The following USH2A variants were observed in gnomAD, a reference collection of about 807,000 sequenced individuals.
USH2A encodes the protein Usher syndrome 2A (autosomal recessive, mild).
USH2A carries 443 observed loss-of-function variants against 538.9 expected under a neutral mutation model. The observed-to-expected ratio is 0.82, with a 90% CI of 0.76 to 0.89. The LOEUF (loss-of-function observed/expected upper bound fraction) is 0.89. Among genes scored for constraint, USH2A ranks in the 40% least tolerant of loss-of-function variants. The probability of loss-of-function intolerance (pLI) is 0.00; values close to 1 mark genes in which losing one functional copy is unlikely to be tolerated. For synonymous variants in USH2A, 2,413 were observed against 2,273.5 expected (o/e 1.06, Z -1.75); for missense variants, 6,633 against 6,324.8 (o/e 1.05, Z -1.65).
intron 71 of USH2A, among the ~76,000 whole-genome samples, chr1:215,627,425 C>T (rs199671102): frequency 0.025 from 2,582 of 105,360 alleles, 73 homozygotes; most frequent in African/African-American, 0.098. Flanking sequence ...TCCTTCCTTC[C>T]TTCCTTCCTT....
chr1:216,419,266 C>T (rs1442258286), intron 2 of USH2A, among the ~76,000 whole-genome samples: 18 of 152,040 alleles, frequency 1.2e-4, no homozygotes, highest in Middle Eastern at 3.2e-3. Context: ...TCTCCATGAC[C>T]GTACAGTCCA....
At chr1:215,689,187 T>C (rs1428494708) in intron 61 of USH2A, among the ~76,000 whole-genome samples, 1 of 152,138 alleles carries the variant, frequency 6.6e-6, no homozygotes, top group Admixed American at 6.5e-5. Flanking sequence ...GTTCAAGATG[T>C]CAAGTAGACA....
chr1:216,285,865 T>C (rs1156763344), intron 11 of USH2A, among the ~76,000 whole-genome samples: 3 of 152,220 alleles, frequency 2.0e-5, no homozygotes, highest in African/African-American at 7.2e-5. Flanking sequence ...CAGACTTGCA[T>C]GGGGACTGTA....
Position 216,325,450 on chromosome 1 carries a change from G to A in USH2A, c.998C>T (p.Ser333Leu), listed in dbSNP as rs2037711151. The change falls in exon 6 of 72, where the codon TCA becomes TTA. Residue 333 changes from serine to leucine, a missense_variant. Coordinates refer to ENST00000307340, the MANE Select transcript of USH2A (RefSeq NM_206933.4). ...DAGDTADNRV[S>L]RLNPEAHPLS... ...AGGATGGGCTTCAGGATTCAACCGT[G>A]ACACTCTATTATCAGCTGTGTCTCC... 1.9e-6 allele frequency: 3 copies of A among 1,613,818 alleles called. No individual in the cohort carries two copies. The highest frequency in any genetic ancestry group is 2.7e-5 in the African/African-American group (2 of 74,910).
intron 16 of USH2A, among the ~76,000 whole-genome samples, chr1:216,202,157 A>C (rs563047600): frequency 6.6e-6 from 1 of 152,350 alleles, no homozygotes; most frequent in African/African-American, 2.4e-5. Context: ...AGAAAAAAAT[A>C]AATTTCAGTG....
chr1:216,262,056 C>G (rs2036384270), intron 11 of USH2A, among the ~76,000 whole-genome samples: 1 of 152,152 alleles, frequency 6.6e-6, no homozygotes, highest in Admixed American at 6.5e-5. Context: ...TAGAACTTAT[C>G]TACAGGAGTA....
chr1:215,952,825 T>C (rs1397785137), intron 37 of USH2A, among the ~76,000 whole-genome samples: 1 of 152,166 alleles, frequency 6.6e-6, no homozygotes, highest in Admixed American at 6.5e-5. Flanking sequence ...TTTTCCTTCA[T>C]TTCAACTTTG....
At chr1:216,360,702 T>TA (rs891254668) in intron 4 of USH2A, among the ~76,000 whole-genome samples, 4 of 123,670 alleles carry the variant, frequency 3.2e-5, no homozygotes, top group Non-Finnish European at 6.6e-5. Context: ...AAAATTGCTC[T>TA]AAAAAAATAG....
intron 38 of USH2A, among the ~76,000 whole-genome samples, chr1:215,923,426 G>T (rs1337443309): frequency 3.3e-5 from 5 of 152,022 alleles, no homozygotes; most frequent in Non-Finnish European, 7.4e-5. Flanking sequence ...CAACATGGCT[G>T]GCAGCAAATT....
At chr1:216,337,558 G>A (rs1379353828) in intron 4 of USH2A, among the ~76,000 whole-genome samples, 1 of 151,366 alleles carries the variant, frequency 6.6e-6, no homozygotes, top group Non-Finnish European at 1.5e-5. Context: ...ACGTGATATG[G>A]CAAACATCTT....
intron 11 of USH2A, among the ~76,000 whole-genome samples, chr1:216,264,517 C>T (rs767397427): frequency 2.2e-4 from 33 of 152,066 alleles, no homozygotes; most frequent in Non-Finnish European, 4.4e-4. Flanking sequence ...AGGCTGGTCT[C>T]GAACTCCTGA....
chr1:216,014,643 C>A (rs774799837), intron 32 of USH2A, among the ~76,000 whole-genome samples: 1 of 152,322 alleles, frequency 6.6e-6, no homozygotes, highest in South Asian at 2.1e-4. Context: ...TTGATTGCAT[C>A]ATTTGCATAA....
Position 216,273,898 on chromosome 1 carries a change from CA to C in USH2A, c.1971+15381del, listed in dbSNP as rs200489883. The stretch of plus-strand genomic sequence containing the variant: ...AACCATACATACCATTTTTAAATAC[CA>C]AAAAATTTTGAATATACAAATCTAT... On this transcript the variant is annotated intron_variant, in intron 11 of 71. Transcript: ENST00000307340. Among the ~76,000 whole-genome samples, 640 of 151,248 alleles carry C rather than the reference CA, an allele frequency of 4.2e-3. 6 individuals carry two copies. Among genetic ancestry groups the C allele is most frequent in the African/African-American group, 0.014 (589 of 41,254 alleles).
chr1:215,775,014 T>C (rs1053755517), intron 55 of USH2A, among the ~76,000 whole-genome samples: 1 of 151,974 alleles, frequency 6.6e-6, no homozygotes, highest in Non-Finnish European at 1.5e-5. Context: ...TCCCCAGTGC[T>C]TGGTGGTCAG....
chr1:215,905,538 C>T (rs1043175652), intron 38 of USH2A, among the ~76,000 whole-genome samples: 1 of 151,754 alleles, frequency 6.6e-6, no homozygotes, highest in Non-Finnish European at 1.5e-5. Flanking sequence ...ACTGTATCAC[C>T]AAAAAAAGAG....
intron 47 of USH2A, among the ~76,000 whole-genome samples, chr1:215,831,697 C>T (rs534906045): frequency 6.6e-6 from 1 of 151,958 alleles, no homozygotes; most frequent in East Asian, 1.9e-4. Context: ...GAGCTTCATA[C>T]CGAAGCAGGA....
intron 64 of USH2A, among the ~76,000 whole-genome samples, chr1:215,668,582 C>A (rs1468074304): frequency 6.6e-6 from 1 of 152,074 alleles, no homozygotes; most frequent in Non-Finnish European, 1.5e-5. Context: ...AACACAGAGC[C>A]GATAGTAACA....
At chr1:215,907,440 T>C (rs1665668232) in intron 38 of USH2A, among the ~76,000 whole-genome samples, 1 of 152,034 alleles carries the variant, frequency 6.6e-6, no homozygotes, top group South Asian at 2.1e-4. Flanking sequence ...AGTTTCCATA[T>C]AGTATGTTTT....
chr1:215,701,538 C>T (rs1558060982), intron 61 of USH2A, among the ~76,000 whole-genome samples: 1 of 152,180 alleles, frequency 6.6e-6, no homozygotes, highest in Non-Finnish European at 1.5e-5. Flanking sequence ...ATAGTTAGCT[C>T]TTCTTGTTCC....
Sources: allele counts gnomAD v4.1 joint callset (sites outside exome capture counted in the v4.1 genomes callset), GRCh38; gene constraint gnomAD v4.1.1; transcripts MANE v1.5; gene names NCBI Gene and HGNC (gene_info 2026-07-23, HGNC 2026-07-21).